The following RBFOX3 variants were observed in gnomAD, a reference collection of about 807,000 sequenced individuals.
The protein encoded by RBFOX3 is RNA binding protein fox-1 homolog 3.
RBFOX3 carries 17 observed loss-of-function variants against 48.7 expected under a neutral mutation model. The observed-to-expected ratio is 0.35, with a 90% CI of 0.24 to 0.52. The LOEUF is 0.52. Among genes scored for constraint, RBFOX3 ranks in the 20% least tolerant of loss-of-function variants. The pLI, the probability that RBFOX3 is intolerant of heterozygous loss-of-function variation, is 0.94. For synonymous variants in RBFOX3, 212 were observed against 209.5 expected (o/e 1.01, Z -0.10); for missense variants, 382 against 497.5 (o/e 0.77, Z 2.21).
Position 79,362,652 on chromosome 17 carries a change from C to T in RBFOX3, c.-174-54828G>A, listed in dbSNP as rs1028882311. Among the ~76,000 whole-genome samples the T allele has an allele frequency of 1.3e-5, 2 of 152,200 alleles. No homozygotes were observed. Among genetic ancestry groups the T allele is most frequent in the African/African-American group, 4.8e-5 (2 of 41,448 alleles). On this transcript the variant is annotated intron_variant, in intron 2 of 14. Coordinates refer to ENST00000693108, the MANE Select transcript of RBFOX3 (RefSeq NM_001350451.2). The surrounding 1 kb of genome is among the most constrained non-coding windows in gnomAD (Gnocchi z 4.2). ...CCCAGGAAAATGAGAGCCGGCCTGC[C>T]GGGCAATTGCTTCCTGTGACGGAGC...
chr17:79,588,505 C>T (rs2093321487), intron 1 of RBFOX3, among the ~76,000 whole-genome samples: 1 of 152,170 alleles, frequency 6.6e-6, no homozygotes, highest in African/African-American at 2.4e-5. Flanking sequence ...CCACCCTCAC[C>T]CCAGGTTAGG....
At chr17:79,492,452 G>A (rs922485096) in intron 1 of RBFOX3, among the ~76,000 whole-genome samples, 43 of 152,348 alleles carry the variant, frequency 2.8e-4, no homozygotes, top group African/African-American at 9.1e-4. Flanking sequence ...CTGTCATGAG[G>A]ACACTCAGGC....
chr17:79,195,122 G>T lies in RBFOX3; in HGVS notation c.-34+40644C>A, dbSNP rs2055327016. Among the ~76,000 whole-genome samples, 1 of 152,156 alleles carries T rather than the reference G, an allele frequency of 6.6e-6. No individual in the cohort carries two copies. The highest frequency in any genetic ancestry group is 2.1e-4 in the South Asian group (1 of 4,830). On this transcript the variant is annotated intron_variant, in intron 4 of 14. Coordinates refer to ENST00000693108, the MANE Select transcript of RBFOX3 (RefSeq NM_001350451.2). The surrounding 1 kb of genome is among the most constrained non-coding windows in gnomAD (Gnocchi z 5.3). Reference sequence around the variant, plus strand: ...TCTCAAGAAGAAGTGCAGGCCGGGTGCCGTGGCTGATGCCTGTAATCCCGG... The same window carrying T: ...TCTCAAGAAGAAGTGCAGGCCGGGTTCCGTGGCTGATGCCTGTAATCCCGG...
Position 79,103,121 on chromosome 17 carries a change from G to A in RBFOX3, c.507+41C>T, listed in dbSNP as rs377126783. 17 of 1,453,576 alleles carry A rather than the reference G, an allele frequency of 1.2e-5. No homozygotes were observed. Among genetic ancestry groups the A allele is most frequent in the Non-Finnish European group, 1.5e-5 (16 of 1,059,082 alleles). The allele number at this position is 1,453,576 out of a possible 1,614,324, so 90.0% of individuals were successfully genotyped here. On this transcript the variant is annotated intron_variant, in intron 8 of 14. Coordinates refer to ENST00000693108, the MANE Select transcript of RBFOX3 (RefSeq NM_001350451.2). The surrounding 1 kb of genome is among the most constrained non-coding windows in gnomAD (Gnocchi z 6.1). ...TGGGGGAGCTGGGGGGCAGGTGGGC[G>A]ATCTTGGGGCATCCCTGCCGCAGCA...
chr17:79,395,802 T>G (rs1164422276), intron 2 of RBFOX3, among the ~76,000 whole-genome samples: 1 of 152,220 alleles, frequency 6.6e-6, no homozygotes, highest in African/African-American at 2.4e-5. Flanking sequence ...AGCCCTGGAT[T>G]GAGGCTGCCT....
chr17:79,301,464 A>G (rs2075302194), intron 3 of RBFOX3, among the ~76,000 whole-genome samples: 1 of 152,224 alleles, frequency 6.6e-6, no homozygotes, highest in African/African-American at 2.4e-5. Flanking sequence ...TACTCCAAAC[A>G]TTCTGGCGCT....
chr17:79,105,893 C>T (rs2077264801), intron 6 of RBFOX3, among the ~76,000 whole-genome samples: 2 of 151,990 alleles, frequency 1.3e-5, no homozygotes, highest in Admixed American at 6.5e-5. Context: ...CACCCAGCTG[C>T]TGCCGCTCAC....
intron 2 of RBFOX3, among the ~76,000 whole-genome samples, chr17:79,401,764 G>T (rs1180932373): frequency 6.6e-6 from 1 of 152,194 alleles, no homozygotes; most frequent in African/African-American, 2.4e-5. Context: ...GCAGTTCACG[G>T]TCTGTACCCA....
Position 79,198,580 on chromosome 17 carries a change from G to C in RBFOX3, c.-34+37186C>G, listed in dbSNP as rs1055494365. Among the ~76,000 whole-genome samples the C allele has an allele frequency of 1.4e-4, 22 of 152,148 alleles. No individual in the cohort carries two copies. The highest frequency in any genetic ancestry group is 1.2e-3 in the Admixed American group (18 of 15,282). On this transcript the variant is annotated intron_variant, in intron 4 of 14. Transcript: ENST00000693108. The surrounding 1 kb of genome is among the most constrained non-coding windows in gnomAD (Gnocchi z 8.2). ...GCCCATGCCACTCGTCACTCTGATA[G>C]GACTTTTAGAGATGTGAGAAGCCTC...
intron 2 of RBFOX3, among the ~76,000 whole-genome samples, chr17:79,372,328 C>G (rs1428221676): frequency 8.1e-6 from 1 of 123,594 alleles, no homozygotes; most frequent in East Asian, 2.9e-4. Flanking sequence ...TCAAATCCCC[C>G]CCATCCTATG....
intron 3 of RBFOX3, among the ~76,000 whole-genome samples, chr17:79,258,307 AGAGAAAG>A (rs1383505761): frequency 6.6e-6 from 1 of 152,200 alleles, no homozygotes; most frequent in Admixed American, 6.6e-5. Flanking sequence ...CCGCAGACAC[AGAGAAAG>A]GATCTGAAAC....
At chr17:79,619,241 G>A in the RBFOX3 span, among the ~76,000 whole-genome samples, 1 of 152,184 alleles carries the variant, frequency 6.6e-6, no homozygotes, top group Non-Finnish European at 1.5e-5. Flanking sequence ...ACAAAAGCAT[G>A]GATTCAGGTC....
At chr17:79,255,215 A>G (rs991533526) in intron 3 of RBFOX3, among the ~76,000 whole-genome samples, 5 of 128,802 alleles carry the variant, frequency 3.9e-5, no homozygotes, top group Non-Finnish European at 6.5e-5. Context: ...CTGTGGTCAC[A>G]TGTGTGCGTG....
chr17:79,307,688 GA>G (rs1051402413), intron 3 of RBFOX3, 35 bp downstream of exon 3: 6 of 153,752 alleles, frequency 3.9e-5, no homozygotes, highest in African/African-American at 1.4e-4. Flanking sequence ...AGCTCGGGGG[GA>G]GCAGAAAGCA....
At chr17:79,402,869 A>G (rs1477517156) in intron 2 of RBFOX3, among the ~76,000 whole-genome samples, 3 of 151,552 alleles carry the variant, frequency 2.0e-5, no homozygotes, top group African/African-American at 7.3e-5. Context: ...AGCAGTACCT[A>G]CCCTCCCGGA....
At chr17:79,559,469 G>T (rs939304395) in intron 1 of RBFOX3, among the ~76,000 whole-genome samples, 2 of 150,064 alleles carry the variant, frequency 1.3e-5, no homozygotes, top group South Asian at 2.2e-4. Flanking sequence ...GTGACTGATG[G>T]ATACTGCATG....
chr17:79,514,349 TGC>T (rs1346060449), intron 1 of RBFOX3, among the ~76,000 whole-genome samples: 2 of 152,148 alleles, frequency 1.3e-5, no homozygotes, highest in Non-Finnish European at 2.9e-5. Flanking sequence ...CACGCAGACA[TGC>T]ACTCCCTGGG....
chr17:79,276,302 C>G (rs906395677), intron 3 of RBFOX3, among the ~76,000 whole-genome samples: 1 of 152,188 alleles, frequency 6.6e-6, no homozygotes, highest in Non-Finnish European at 1.5e-5. Context: ...TTGCCCAACT[C>G]TGAATACACT....
intron 1 of RBFOX3, among the ~76,000 whole-genome samples, chr17:79,518,869 T>A (rs971892102): frequency 6.6e-6 from 1 of 152,234 alleles, no homozygotes; most frequent in Non-Finnish European, 1.5e-5. Context: ...GAGAAACAAT[T>A]TGGAAAATTG....
Sources: allele counts gnomAD v4.1 joint callset (sites outside exome capture counted in the v4.1 genomes callset), GRCh38; gene constraint gnomAD v4.1.1; non-coding constraint Gnocchi (gnomAD v3.1); transcripts MANE v1.5; gene names NCBI Gene and HGNC (gene_info 2026-07-23, HGNC 2026-07-21).